KANK1: variants seen among roughly 807,000 people sequenced by gnomAD.
The protein encoded by KANK1 is KN motif and ankyrin repeat domain-containing protein 1.
A neutral mutation model predicts 106.2 loss-of-function variants in KANK1; 109 were observed. The ratio of observed to expected loss-of-function variants is 1.03; its 90% CI spans 0.88 to 1.20. The LOEUF (loss-of-function observed/expected upper bound fraction) is 1.20. Among genes scored for constraint, KANK1 ranks in the 50% most tolerant of loss-of-function variants. The pLI is 0.00. For synonymous variants in KANK1, 873 were observed against 652.2 expected, an observed-to-expected ratio of 1.34 and a Z score of -5.16; for missense variants, 2,399 against 1,710.7, an observed-to-expected ratio of 1.40 and a Z score of -7.10.
intron 2 of KANK1, among the ~76,000 whole-genome samples, chr9:700,836 C>CA (rs1178264296): frequency 6.6e-6 from 1 of 152,172 alleles, no homozygotes; most frequent in Non-Finnish European, 1.5e-5. Context: ...CACCGTCAGT[C>CA]AGTAACTGGG....
intron 1 of KANK1, among the ~76,000 whole-genome samples, chr9:597,928 A>T (rs1588125032): frequency 6.6e-6 from 1 of 151,480 alleles, no homozygotes; most frequent in African/African-American, 2.4e-5. Flanking sequence ...GCCTCCCAAA[A>T]TGCTGGGATT....
intron 1 of KANK1, among the ~76,000 whole-genome samples, chr9:586,487 G>C (rs1010962557): frequency 2.0e-5 from 3 of 152,174 alleles, no homozygotes; most frequent in Non-Finnish European, 2.9e-5. Context: ...GGACATTCGG[G>C]GAAAGTGGTG....
At chr9:505,727 G>T (rs149937929) in intron 1 of KANK1, among the ~76,000 whole-genome samples, 2 of 152,356 alleles carry the variant, frequency 1.3e-5, no homozygotes, top group East Asian at 3.9e-4. Context: ...TCTGCGGAGG[G>T]TCAGCCCATC....
At chr9:684,266 A>C in intron 2 of KANK1, 1 of 985,458 alleles carries the variant, frequency 1.0e-6, no homozygotes, top group Non-Finnish European at 1.2e-6. Context: ...AGGATGATTT[A>C]TCTTCCAGTG....
At chr9:591,359 T>C (rs1371556790) in intron 1 of KANK1, among the ~76,000 whole-genome samples, 2 of 151,804 alleles carry the variant, frequency 1.3e-5, no homozygotes, top group South Asian at 4.1e-4. Context: ...TGTCAGTTCT[T>C]TACATAGCAG....
intron 1 of KANK1, among the ~76,000 whole-genome samples, chr9:518,050 TCTTAGCCATCCCCA>T (rs749249672): frequency 2.0e-5 from 3 of 151,710 alleles, no homozygotes; most frequent in Non-Finnish European, 4.4e-5. Context: ...CCTTGAGGGT[TCTTAGCCATCCCCA>T]AATGATCTGA....
At chr9:702,582 G>C (rs551179335) in intron 2 of KANK1, among the ~76,000 whole-genome samples, 15 of 152,218 alleles carry the variant, frequency 9.9e-5, no homozygotes, top group Non-Finnish European at 1.9e-4. Flanking sequence ...AATGTAAGTC[G>C]AATGTGTGAA....
At chr9:512,146 A>G (rs2059056922) in intron 1 of KANK1, among the ~76,000 whole-genome samples, 1 of 152,164 alleles carries the variant, frequency 6.6e-6, no homozygotes, top group Non-Finnish European at 1.5e-5. Flanking sequence ...TGACTTCAGC[A>G]TGGTGGCTCC....
chr9:482,794 C>T (rs369093744), intron 3 of KANK1, among the ~76,000 whole-genome samples: 29 of 152,208 alleles, frequency 1.9e-4, no homozygotes, highest in Admixed American at 3.3e-4. Context: ...ACTCTTCAGA[C>T]GCAGTAGTCC....
intron 1 of KANK1, chr9:674,074 A>G (rs1027706497): frequency 2.6e-5 from 4 of 152,106 alleles, no homozygotes; most frequent in Non-Finnish European, 4.4e-5. Context: ...CCTATTCTTA[A>G]AAGACAGTGT....
chr9:651,540 A>G (rs1840882205), intron 1 of KANK1, among the ~76,000 whole-genome samples: 1 of 152,194 alleles, frequency 6.6e-6, no homozygotes, highest in South Asian at 2.1e-4. Flanking sequence ...TGTTGAAAGG[A>G]TAAAGGAATG....
chr9:730,427 C>T, intron 4 of KANK1, 179 bp downstream of exon 4: 1 of 675,862 alleles, frequency 1.5e-6, no homozygotes, highest in Non-Finnish European at 2.5e-6. Flanking sequence ...CATGGTGGCT[C>T]ACACCTGTGA....
intron 1 of KANK1, among the ~76,000 whole-genome samples, chr9:586,530 A>T (rs1222245801): frequency 1.3e-5 from 2 of 152,146 alleles, no homozygotes; most frequent in African/African-American, 4.8e-5. Context: ...GACGAGAGAG[A>T]TGACTTGAAA....
At chr9:670,084 C>G (rs74503705) in intron 1 of KANK1, among the ~76,000 whole-genome samples, 8,104 of 152,140 alleles carry the variant, frequency 0.053, 232 homozygotes, top group African/African-American at 0.066. Context: ...TTTTTTATCA[C>G]TTCAATCTCT....
chr9:603,192 T>C (rs1532309), intron 1 of KANK1, among the ~76,000 whole-genome samples: 1 of 151,648 alleles, frequency 6.6e-6, no homozygotes, highest in Non-Finnish European at 1.5e-5. Flanking sequence ...GTAAGAAATT[T>C]CCCTACTCAT....
intron 1 of KANK1, among the ~76,000 whole-genome samples, chr9:512,604 C>A (rs1032697493): frequency 2.0e-5 from 3 of 152,038 alleles, no homozygotes; most frequent in Admixed American, 2.0e-4. Flanking sequence ...CAGTTGGAAG[C>A]TTCATGGCCT....
chr9:682,783 T>C (rs1358616019), intron 2 of KANK1, among the ~76,000 whole-genome samples: 1 of 152,198 alleles, frequency 6.6e-6, no homozygotes, highest in Admixed American at 6.5e-5. Context: ...TGGTCAGTTA[T>C]TTGGCTCCAG....
intron 2 of KANK1, among the ~76,000 whole-genome samples, chr9:699,136 C>T (rs1016908526): frequency 2.6e-5 from 4 of 152,176 alleles, no homozygotes; most frequent in African/African-American, 9.7e-5. Flanking sequence ...GCTACCGCTC[C>T]CTTGAAGAAC....
intron 1 of KANK1, among the ~76,000 whole-genome samples, chr9:509,273 CT>C (rs2058922383): frequency 6.6e-6 from 1 of 152,008 alleles, no homozygotes; most frequent in Non-Finnish European, 1.5e-5. Context: ...AATTTTTGTA[CT>C]TTTAGTAGAC....
Sources: gnomAD v4.1 joint callset for allele counts (sites outside exome capture counted in the v4.1 genomes callset) on GRCh38, gnomAD v4.1.1 for gene constraint, MANE v1.5 for transcripts, NCBI Gene and HGNC (gene_info 2026-07-23, HGNC 2026-07-21) for gene names.